PI4K2A: variants seen among roughly 807,000 people sequenced by gnomAD.
The protein encoded by PI4K2A is phosphatidylinositol 4-kinase type 2 alpha.
In PI4K2A, 20 loss-of-function variants were observed where a neutral mutation model predicts 55.0. The ratio of observed to expected loss-of-function variants is 0.36; its 90% CI spans 0.26 to 0.53. The LOEUF (loss-of-function observed/expected upper bound fraction) is 0.53, where lower values mean the gene tolerates loss of function less well. PI4K2A is among the 20% of genes least tolerant of loss of function. The pLI, the probability that PI4K2A is intolerant of heterozygous loss-of-function variation, is 0.91. For synonymous variants in PI4K2A, 235 were observed against 258.5 expected (o/e 0.91, Z 0.87); for missense variants, 463 against 637.1 (o/e 0.73, Z 2.94).
intron 8 of PI4K2A, among the ~76,000 whole-genome samples, chr10:97,671,965 T>C (rs2041637620): frequency 1.3e-5 from 2 of 151,372 alleles, no homozygotes; most frequent in Non-Finnish European, 2.9e-5. Flanking sequence ...GCTTTTTACA[T>C]TTTACATTTA....
At chr10:97,664,905 G>A in exon 6 of PI4K2A, 2 of 1,613,734 alleles carry the variant, frequency 1.2e-6, no homozygotes, top group Non-Finnish European at 1.7e-6. Flanking sequence ...GGGTGGTGGT[G>A]AAGGAGCCTG....
intron 1 of PI4K2A, among the ~76,000 whole-genome samples, chr10:97,649,646 A>G (rs1182348256): frequency 1.4e-5 from 1 of 73,946 alleles, no homozygotes. Context: ...TTTTTGAGGC[A>G]GAGGCTTGGT....
exon 9 of PI4K2A, chr10:97,675,535 C>T (rs895989321): frequency 2.0e-5 from 3 of 152,472 alleles, no homozygotes; most frequent in East Asian, 1.9e-4. Flanking sequence ...GAAGGGGACC[C>T]AGGTGTGCAT....
chr10:97,653,741 AC>A (rs1274828800), intron 2 of PI4K2A, among the ~76,000 whole-genome samples: 1 of 152,118 alleles, frequency 6.6e-6, no homozygotes, highest in African/African-American at 2.4e-5. Flanking sequence ...ACAGGGTGAA[AC>A]CCTGTCTCTA....
chr10:97,648,245 A>G (rs1326267569), intron 1 of PI4K2A, among the ~76,000 whole-genome samples: 1 of 151,916 alleles, frequency 6.6e-6, no homozygotes, highest in Non-Finnish European at 1.5e-5. Flanking sequence ...GGCATGTGCC[A>G]CCATGCCTGG....
At chr10:97,642,881 C>CT (rs2041483505) in intron 1 of PI4K2A, among the ~76,000 whole-genome samples, 3 of 120,976 alleles carry the variant, frequency 2.5e-5, no homozygotes, top group African/African-American at 1.0e-4. Context: ...TTCTTTCTTT[C>CT]TTTCTTCCTT....
intron 2 of PI4K2A, among the ~76,000 whole-genome samples, chr10:97,652,290 GTTTTC>G (rs1296907449): frequency 2.6e-5 from 4 of 151,986 alleles, no homozygotes; most frequent in African/African-American, 9.6e-5. Context: ...TCTGCTTAAA[GTTTTC>G]TTTTCTTTCT....
Position 97,640,807 on chromosome 10 carries a change from C to A in PI4K2A, c.65C>A (p.Ser22Ter). 1 of 1,473,274 alleles carries A rather than the reference C, an allele frequency of 6.8e-7. No individual in the cohort carries two copies. Among genetic ancestry groups the A allele is most frequent in the South Asian group, 1.4e-5 (1 of 73,944 alleles). The allele number at this position is 1,473,274 out of a possible 1,614,324, so 91.3% of individuals were successfully genotyped here. Residue 22 changes from serine to a stop codon, truncating the protein, a stop_gained, in exon 1 of 9, where the codon TCG (serine) becomes TAG (stop). Transcript: ENST00000370631. LOFTEE classifies it high-confidence loss of function. ...CAACCCCCGGACTACACCTTCCCGT[C>A]GGGCTCGGGCGCTCACTTTCCGCAG...
chr10:97,669,024 C>T (rs940693883), intron 8 of PI4K2A, among the ~76,000 whole-genome samples: 1 of 152,124 alleles, frequency 6.6e-6, no homozygotes, highest in Admixed American at 6.5e-5. Context: ...TGGCACCACA[C>T]CTGGCTAATT....
At chr10:97,641,258 A>C (rs988985842) in intron 1 of PI4K2A, 81 bp downstream of exon 1, 20 of 1,028,454 alleles carry the variant, frequency 1.9e-5, no homozygotes, top group Non-Finnish European at 2.8e-5. Flanking sequence ...GCACAGCCAG[A>C]GGGAAAAGGG....
chr10:97,654,602 C>G (rs139993270), intron 2 of PI4K2A, among the ~76,000 whole-genome samples: 8 of 152,284 alleles, frequency 5.3e-5, no homozygotes, highest in Admixed American at 1.3e-4. Flanking sequence ...GTAACTCATT[C>G]TTCATTCACT....
At chr10:97,660,946 T>TC (rs397721139) in intron 4 of PI4K2A, among the ~76,000 whole-genome samples, 4 of 151,716 alleles carry the variant, frequency 2.6e-5, no homozygotes, top group African/African-American at 9.7e-5. Context: ...TTTTTTTTTT[T>TC]CAACTAAGGC....
chr10:97,667,185 C>A, intron 8 of PI4K2A, 65 bp downstream of exon 8: 4 of 1,208,492 alleles, frequency 3.3e-6, no homozygotes, highest in African/African-American at 1.5e-5. Flanking sequence ...TCAGGTTGAG[C>A]AAATGTTTGA....
intron 1 of PI4K2A, among the ~76,000 whole-genome samples, chr10:97,649,219 A>T (rs902412372): frequency 6.6e-6 from 1 of 152,230 alleles, no homozygotes; most frequent in Non-Finnish European, 1.5e-5. Context: ...ATATGATATG[A>T]GGATGAATCA....
rs184019897 is a variant in PI4K2A, at chr10:97,664,589, A to G, written c.985-296A>G. On this transcript the variant is annotated intron_variant, in intron 5 of 8. Coordinates refer to ENST00000370631, the Ensembl canonical transcript of PI4K2A. ...TTTCTTTCCCTAGGAGGAATGGCTT[A>G]TAGTTATCTTTATTATTGTCATTTC... Among the ~76,000 whole-genome samples, 54 of 152,344 alleles carry G rather than the reference A, an allele frequency of 3.5e-4. 1 individual carries two copies. Among genetic ancestry groups the G allele is most frequent in the Non-Finnish European group, 4.3e-4 (29 of 68,034 alleles).
At chr10:97,650,624 C>T (rs2041526427) in intron 1 of PI4K2A, among the ~76,000 whole-genome samples, 1 of 152,120 alleles carries the variant, frequency 6.6e-6, no homozygotes, top group African/African-American at 2.4e-5. Flanking sequence ...ATCCATTTAC[C>T]TTGTTTGTTT....
At chr10:97,655,135 C>T (rs766945875) in intron 2 of PI4K2A, among the ~76,000 whole-genome samples, 8 of 151,890 alleles carry the variant, frequency 5.3e-5, no homozygotes, top group Admixed American at 1.3e-4. Context: ...TTTGGGAGGC[C>T]GAGGTAGGAG....
At chr10:97,657,070 G>T in intron 4 of PI4K2A, 96 bp downstream of exon 4, 1 of 1,193,018 alleles carries the variant, frequency 8.4e-7, no homozygotes, top group African/African-American at 1.5e-5. Flanking sequence ...AGAGTACCTT[G>T]TCCAGACACA....
intron 5 of PI4K2A, among the ~76,000 whole-genome samples, chr10:97,663,540 G>A (rs542530457): frequency 7.3e-5 from 11 of 149,664 alleles, no homozygotes; most frequent in African/African-American, 2.4e-4. Flanking sequence ...TAAGAAACAG[G>A]GTTGGCCGGG....
Sources: gnomAD v4.1 joint callset for allele counts (sites outside exome capture counted in the v4.1 genomes callset) on GRCh38, gnomAD v4.1.1 for gene constraint, MANE v1.5 for transcripts, NCBI Gene and HGNC (gene_info 2026-07-23, HGNC 2026-07-21) for gene names.